CASD1: variants seen among roughly 807,000 people sequenced by gnomAD.
CASD1 encodes CAS1 domain sialic acid O acetyltransferase 1, also known as N-acetylneuraminate (7)9-O-acetyltransferase.
A neutral mutation model predicts 100.0 loss-of-function variants in CASD1; 41 were observed. The ratio of observed to expected loss-of-function variants is 0.41; its 90% CI spans 0.32 to 0.53. The LOEUF (loss-of-function observed/expected upper bound fraction) is 0.53, where lower values mean the gene tolerates loss of function less well. Among genes scored for constraint, CASD1 ranks in the 20% least tolerant of loss-of-function variants. CASD1 has a pLI of 0.25. For synonymous variants in CASD1, 321 were observed against 315.6 expected (o/e 1.02, Z -0.18); for missense variants, 774 against 948.7 (o/e 0.82, Z 2.42).
At position 94,533,235 on chromosome 7, in the gene CASD1, G is replaced by T; in HGVS notation, c.490G>T (p.Ala164Ser). The change falls in exon 6 of 18, where the codon GCA becomes TCA. Residue 164 changes from alanine (A) to serine (S), a missense_variant. Physicochemically the swap from Ala to Ser is moderately conservative, Grantham distance 99. Coordinates refer to ENST00000297273, the MANE Select transcript of CASD1 (RefSeq NM_022900.5). ...DSIAKPHVIV[A>S]GAATWSIKIH... ...CATTGCAAAGCCACATGTGATTGTA[G>T]CAGGAGCTGCCACAGTAAGTTATCA... 6.2e-7 allele frequency: 1 copy of T among 1,609,828 alleles called. No individual in the cohort carries two copies. Among genetic ancestry groups the T allele is most frequent in the Non-Finnish European group, 8.5e-7 (1 of 1,177,240 alleles).
intron 7 of CASD1, among the ~76,000 whole-genome samples, chr7:94,534,523 A>G (rs1718384967): frequency 6.6e-6 from 1 of 152,212 alleles, no homozygotes; most frequent in South Asian, 2.1e-4. Context: ...AATTGACAGA[A>G]TATGTTTAAA....
chr7:94,524,041 T>C (rs1248235625), intron 3 of CASD1, among the ~76,000 whole-genome samples: 2 of 152,104 alleles, frequency 1.3e-5, no homozygotes, highest in Middle Eastern at 3.2e-3. Flanking sequence ...AAATCGTTTC[T>C]AGATGGATGA....
chr7:94,588,655 T>A, the CASD1 span: 1 of 1,573,304 alleles, frequency 6.4e-7, no homozygotes, highest in Non-Finnish European at 8.7e-7. Context: ...TTAGATTCAT[T>A]CATAAACATT....
chr7:94,611,327 C>T, the CASD1 span, among the ~76,000 whole-genome samples: 1 of 152,014 alleles, frequency 6.6e-6, no homozygotes, highest in Non-Finnish European at 1.5e-5. Flanking sequence ...AAATGAAATA[C>T]TGATTTATTC....
intron 16 of CASD1, chr7:94,553,046 T>C (rs1796026351): frequency 3.3e-6 from 1 of 302,820 alleles, no homozygotes; most frequent in Admixed American, 4.1e-5. Flanking sequence ...CCTACATTCT[T>C]TTTAGCGTTG....
chr7:94,511,881 C>T (rs1439942833), intron 1 of CASD1, among the ~76,000 whole-genome samples: 1 of 152,160 alleles, frequency 6.6e-6, no homozygotes, highest in Non-Finnish European at 1.5e-5. Context: ...CAGATGGGGA[C>T]TTATGAGTCA....
At chr7:94,545,950 C>A (rs1795656540) in intron 12 of CASD1, among the ~76,000 whole-genome samples, 1 of 151,698 alleles carries the variant, frequency 6.6e-6, no homozygotes. Context: ...AATTTAAATT[C>A]TTCAAAACCA....
chr7:94,596,320 T>C, the CASD1 span, among the ~76,000 whole-genome samples: 7 of 152,118 alleles, frequency 4.6e-5, no homozygotes, highest in Non-Finnish European at 1.0e-4. Flanking sequence ...TTTCAATATA[T>C]GTGGTTAGAA....
chr7:94,526,971 A>G (rs17166333), intron 3 of CASD1, among the ~76,000 whole-genome samples, 191 bp from the exon 4 acceptor site: 11,435 of 152,254 alleles, frequency 0.075, 1,426 homozygotes, highest in African/African-American at 0.26. Context: ...AGACAATTTA[A>G]CTAGTGTCAC....
the CASD1 span, chr7:94,629,742 T>C: frequency 6.2e-7 from 1 of 1,611,302 alleles, no homozygotes; most frequent in East Asian, 2.2e-5. Context: ...AGGTGGAAAT[T>C]CCCCCTTAAA....
intron 8 of CASD1, among the ~76,000 whole-genome samples, chr7:94,536,807 A>G (rs1795145465): frequency 6.6e-6 from 1 of 152,214 alleles, no homozygotes; most frequent in African/African-American, 2.4e-5. Flanking sequence ...GACAGACTCA[A>G]CTTTCCCAGA....
chr7:94,520,861 G>A (rs1400450138), intron 3 of CASD1, among the ~76,000 whole-genome samples: 2 of 152,056 alleles, frequency 1.3e-5, no homozygotes, highest in Non-Finnish European at 1.5e-5. Flanking sequence ...GGAGGCCGAG[G>A]TGGGCGGATC....
chr7:94,561,303 G>A (rs1393478707), downstream of CASD1, among the ~76,000 whole-genome samples: 2 of 152,080 alleles, frequency 1.3e-5, no homozygotes, highest in African/African-American at 2.4e-5. Flanking sequence ...GAAACACCAA[G>A]CTGTTTTCCA....
At chr7:94,582,323 G>A in the CASD1 span, among the ~76,000 whole-genome samples, 1 of 152,030 alleles carries the variant, frequency 6.6e-6, no homozygotes, top group Non-Finnish European at 1.5e-5. Context: ...TTACCATGTC[G>A]GCCAGGCTGG....
chr7:94,578,981 T>C, the CASD1 span, among the ~76,000 whole-genome samples: 8 of 152,170 alleles, frequency 5.3e-5, no homozygotes, highest in African/African-American at 1.9e-4. Flanking sequence ...TACAACACTT[T>C]TTTTTAACCT....
intron 3 of CASD1, among the ~76,000 whole-genome samples, chr7:94,521,353 A>G (rs1437172173): frequency 2.0e-5 from 3 of 152,222 alleles, no homozygotes; most frequent in African/African-American, 4.8e-5. Flanking sequence ...GTAAAAATGT[A>G]TATAAATCTA....
the CASD1 span, among the ~76,000 whole-genome samples, chr7:94,597,052 C>T: frequency 1.3e-5 from 2 of 151,980 alleles, no homozygotes; most frequent in African/African-American, 4.8e-5. Flanking sequence ...TATCTAATCC[C>T]GGTAAACTGG....
At chr7:94,519,555 CTG>C (rs1240709100) in intron 3 of CASD1, among the ~76,000 whole-genome samples, 2 of 152,116 alleles carry the variant, frequency 1.3e-5, no homozygotes, top group African/African-American at 4.8e-5. Context: ...TATTTGCTAT[CTG>C]TATTTTCCAT....
chr7:94,520,542 A>G (rs752907661), intron 3 of CASD1, among the ~76,000 whole-genome samples: 41 of 152,228 alleles, frequency 2.7e-4, no homozygotes, highest in Admixed American at 9.8e-4. Context: ...AGGCTGGGAT[A>G]TTAAAAACTT....
Sources: allele counts gnomAD v4.1 joint callset (sites outside exome capture counted in the v4.1 genomes callset), GRCh38; gene constraint gnomAD v4.1.1; transcripts MANE v1.5; gene names NCBI Gene and HGNC (gene_info 2026-07-23, HGNC 2026-07-21).